Variants in LIN28B observed in about 807,000 individuals in gnomAD.
LIN28B encodes lin-28 RNA binding posttranscriptional regulator B, also known as protein lin-28 homolog B.
Under a neutral mutation model 21.9 loss-of-function variants are expected in LIN28B, and 5 were observed. That is an observed-to-expected ratio of 0.23 (90% CI 0.12 to 0.48). The LOEUF (loss-of-function observed/expected upper bound fraction) is 0.48, where lower values mean the gene tolerates loss of function less well. Among genes scored for constraint, LIN28B ranks in the 20% least tolerant of loss-of-function variants. LIN28B has a pLI of 0.98. For missense variants in LIN28B, 245 were observed against 310.5 expected, an observed-to-expected ratio of 0.79 and a Z score of 1.58; for synonymous variants, 109 against 111.3, an observed-to-expected ratio of 0.98 and a Z score of 0.13.
intron 2 of LIN28B, among the ~76,000 whole-genome samples, chr6:104,981,487 T>C (rs1770224742): frequency 6.6e-6 from 1 of 152,250 alleles, no homozygotes; most frequent in South Asian, 2.1e-4. Context: ...CTTCTGTTCC[T>C]ATCACTTTGC....
intron 2 of LIN28B, among the ~76,000 whole-genome samples, chr6:105,025,366 T>C (rs756391919): frequency 1.3e-5 from 2 of 152,126 alleles, no homozygotes; most frequent in Non-Finnish European, 2.9e-5. Context: ...TTGACTTTGA[T>C]GAAAAGAGGA....
chr6:105,006,597 C>T (rs1016743347), intron 2 of LIN28B, among the ~76,000 whole-genome samples: 1 of 152,180 alleles, frequency 6.6e-6, no homozygotes, highest in African/African-American at 2.4e-5. Flanking sequence ...CAGGTGTGAG[C>T]CACCGCGCCC....
chr6:104,954,793 G>A (rs1272907612), upstream of LIN28B, among the ~76,000 whole-genome samples: 2 of 152,130 alleles, frequency 1.3e-5, no homozygotes, highest in Non-Finnish European at 2.9e-5. Context: ...ACTGTACAGT[G>A]TAGTTCAGTT....
rs774313868 is a variant in LIN28B at position 105,004,544 on chromosome 6, T to C, written c.199-21754T>C. 1.8e-4 allele frequency among the ~76,000 whole-genome samples: 27 copies of C among 152,162 alleles called. 1 individual carries two copies. The highest frequency in any genetic ancestry group is 5.2e-4 in the Admixed American group (8 of 15,280). On this transcript the variant is annotated intron_variant, in intron 2 of 3. Coordinates refer to ENST00000345080, the MANE Select transcript of LIN28B (RefSeq NM_001004317.4). ...GAATTTAGCTGTTTTAAACCACTTCTTTCACCATTCTTCCAAAAATGAAAG... is the reference window on the plus strand; with the variant it reads ...GAATTTAGCTGTTTTAAACCACTTCCTTCACCATTCTTCCAAAAATGAAAG...
At chr6:104,958,326 A>G (rs1288027409) in intron 2 of LIN28B, 40 bp downstream of exon 2, 104 of 1,479,706 alleles carry the variant, frequency 7.0e-5, no homozygotes, top group Non-Finnish European at 9.5e-5. Context: ...ATCTTTTTCC[A>G]TGTGGAGGAG....
intron 2 of LIN28B, among the ~76,000 whole-genome samples, chr6:104,961,131 T>C (rs1269117279): frequency 6.6e-6 from 1 of 152,206 alleles, no homozygotes; most frequent in Non-Finnish European, 1.5e-5. Context: ...TGTGAAAATA[T>C]ATATTCTGAC....
At chr6:105,022,623 A>G (rs146777985) in intron 2 of LIN28B, among the ~76,000 whole-genome samples, 3 of 152,140 alleles carry the variant, frequency 2.0e-5, no homozygotes, top group Non-Finnish European at 4.4e-5. Context: ...GAGTCAAACA[A>G]GGTAGGTCAG....
At chr6:104,950,751 T>C (rs1778212102) in intron 3 of LIN28B, among the ~76,000 whole-genome samples, 1 of 151,566 alleles carries the variant, frequency 6.6e-6, no homozygotes, top group Non-Finnish European at 1.5e-5. Context: ...CCCCCACTTT[T>C]AGCAGTATTG....
Position 105,078,404 on chromosome 6 carries a change from T to A in LIN28B, c.384-10T>A. On this transcript the variant is annotated splice_polypyrimidine_tract_variant and intron_variant, in intron 3 of 3. Coordinates refer to ENST00000345080, the MANE Select transcript of LIN28B (RefSeq NM_001004317.4). ...TACTTCTAAGATGTTTTCATCTTTT[T>A]TCCTTGTAGATGCTACAACTGTGGT... is the stretch of plus-strand genomic sequence containing the variant. The A allele has an allele frequency of 6.3e-7, 1 of 1,583,698 alleles. No homozygotes were observed. Among genetic ancestry groups the A allele is most frequent in the Non-Finnish European group, 8.6e-7 (1 of 1,159,246 alleles).
chr6:104,940,886 C>T (rs1458918031), intron 2 of LIN28B: 1 of 152,660 alleles, frequency 6.6e-6, no homozygotes, highest in Non-Finnish European at 1.5e-5. Flanking sequence ...CTCCGCGCTC[C>T]CTCAGGAAGT....
chr6:105,002,054 A>T (rs1207697295), intron 2 of LIN28B, among the ~76,000 whole-genome samples: 1 of 152,122 alleles, frequency 6.6e-6, no homozygotes, highest in Admixed American at 6.6e-5. Context: ...TTAGTGAAAG[A>T]ATTAGAGCAG....
chr6:104,999,776 G>A (rs151311877), intron 2 of LIN28B, among the ~76,000 whole-genome samples: 85 of 152,190 alleles, frequency 5.6e-4, no homozygotes, highest in African/African-American at 2.0e-3. Flanking sequence ...TGCCTCCCGG[G>A]TTCAAGTGAT....
chr6:104,993,504 A>G (rs548225685), intron 2 of LIN28B, among the ~76,000 whole-genome samples: 14 of 152,208 alleles, frequency 9.2e-5, no homozygotes, highest in Admixed American at 2.6e-4. Context: ...TGTTGAATAA[A>G]TGGCCATTGT....
chr6:105,079,438 A>G lies in LIN28B; in HGVS notation c.*655A>G, dbSNP rs1056294528. The G allele has an allele frequency of 1.3e-5, 2 of 152,606 alleles. No individual in the cohort carries two copies. The highest frequency in any genetic ancestry group is 2.9e-5 in the Non-Finnish European group (2 of 68,040). The allele number at this position is 152,606 out of a possible 1,614,324, so 9.5% of individuals were successfully genotyped here. A position where few individuals can be genotyped will look rare whatever the true frequency, so the allele number is the denominator to read the frequency against. On this transcript the variant is annotated 3_prime_UTR_variant, in exon 4 of 4. Transcript: ENST00000345080. ...TTTGAAGGCAGTACCTTAACTTCAT[A>G]TGCCTCTGACTGCCATAAGCTTTTT...
intron 2 of LIN28B, among the ~76,000 whole-genome samples, chr6:104,964,704 C>T (rs951028311): frequency 6.6e-6 from 1 of 152,110 alleles, no homozygotes; most frequent in African/African-American, 2.4e-5. Context: ...CAGTGGGGTA[C>T]ATTTAAAAAT....
intron 2 of LIN28B, among the ~76,000 whole-genome samples, chr6:105,025,630 A>G (rs2114339463): frequency 6.6e-6 from 1 of 152,282 alleles, no homozygotes; most frequent in East Asian, 1.9e-4. Context: ...ATATCTTTTA[A>G]AAACTTTAGC....
intron 2 of LIN28B, among the ~76,000 whole-genome samples, chr6:104,966,058 T>C (rs557668268): frequency 1.3e-5 from 2 of 152,292 alleles, no homozygotes; most frequent in African/African-American, 4.8e-5. Context: ...CCACTTTGTA[T>C]AGGGCTGTTA....
intron 2 of LIN28B, among the ~76,000 whole-genome samples, chr6:104,969,409 T>TA (rs1387463912): frequency 1.3e-5 from 2 of 152,078 alleles, no homozygotes; most frequent in Admixed American, 6.6e-5. Context: ...GGGCCACTTG[T>TA]AAAGCCTGCT....
At chr6:105,063,754 C>G (rs897702227) in intron 3 of LIN28B, among the ~76,000 whole-genome samples, 2 of 151,590 alleles carry the variant, frequency 1.3e-5, no homozygotes, top group African/African-American at 2.4e-5. Context: ...CATTTGAGGC[C>G]AGGTGTTTGA....
Sources: allele counts gnomAD v4.1 joint callset (sites outside exome capture counted in the v4.1 genomes callset), GRCh38; gene constraint gnomAD v4.1.1; transcripts MANE v1.5; gene names NCBI Gene and HGNC (gene_info 2026-07-23, HGNC 2026-07-21).